ZDBF2: variants seen among roughly 807,000 people sequenced by gnomAD.
ZDBF2 encodes the protein zinc finger DBF-type containing 2, also known as DBF4-type zinc finger-containing protein 2.
Under a neutral mutation model 9.4 loss-of-function variants are expected in ZDBF2, and 6 were observed. The observed-to-expected ratio is 0.64, with a 90% CI of 0.35 to 1.27. ZDBF2 has a LOEUF of 1.27. Among genes scored for constraint, ZDBF2 ranks in the 50% most tolerant of loss-of-function variants. ZDBF2 has a pLI of 0.03. For missense variants in ZDBF2, 2,697 were observed against 2,766.8 expected (o/e 0.97, Z 0.57); for synonymous variants, 905 against 946.3 (o/e 0.96, Z 0.80).
rs1359776325 is a variant in ZDBF2 at position 206,305,823 on chromosome 2, A to G, written c.1295A>G (p.Lys432Arg). The change falls in exon 5 of 5, where the codon AAG becomes AGG. Residue 432 changes from lysine (K) to arginine (R), a missense_variant. Around this residue, in one of 3 missense-constraint regions of ZDBF2, gnomAD observed 910 missense variants for 973.6 expected, o/e 0.93. Coordinates refer to ENST00000374423, the MANE Select transcript of ZDBF2 (RefSeq NM_020923.3). ...AGTGCCAAAGAAGTAAACCTTTCCA[A>G]GGAAGTACGTACTGATGTACAGTAT... Reference protein sequence around the residue: ...KVSAKEVNLSKEVRTDVQYKN... With the variant: ...KVSAKEVNLSREVRTDVQYKN... 6.2e-7 allele frequency: 1 copy of G among 1,613,556 alleles called. No individual in the cohort carries two copies. Among genetic ancestry groups the G allele is most frequent in the Non-Finnish European group, 8.5e-7 (1 of 1,179,740 alleles).
Position 206,282,529 on chromosome 2 carries a change from C to T in ZDBF2, c.60+620C>T, listed in dbSNP as rs139659389. Among the ~76,000 whole-genome samples, 349 of 152,176 alleles carry T rather than the reference C, an allele frequency of 2.3e-3. 3 individuals are homozygous for T. In the South Asian group the frequency reaches 0.027, roughly 12 times the overall value. ...CTTCTAGTATACCCATTACCCAAAT[C>T]GGAGAAGTCGATTCTTTAAGACATT... On this transcript the variant is annotated intron_variant, in intron 3 of 4. Coordinates refer to ENST00000374423, the MANE Select transcript of ZDBF2 (RefSeq NM_020923.3).
At chr2:206,284,937 C>T (rs1044735160) in intron 3 of ZDBF2, among the ~76,000 whole-genome samples, 1 of 152,180 alleles carries the variant, frequency 6.6e-6, no homozygotes, top group African/African-American at 2.4e-5. Flanking sequence ...CCATGTTGGC[C>T]AGGCTGGTCT....
chr2:206,290,034 T>G (rs1433284252), intron 3 of ZDBF2, among the ~76,000 whole-genome samples: 1 of 152,248 alleles, frequency 6.6e-6, no homozygotes, highest in African/African-American at 2.4e-5. Flanking sequence ...GTTTGTTCAT[T>G]GTGCTGGCCA....
Position 206,310,368 on chromosome 2 carries a change from A to C in ZDBF2, c.5840A>C (p.Gln1947Pro). 1 of 1,613,990 alleles carries C rather than the reference A, an allele frequency of 6.2e-7. No individual in the cohort carries two copies. The highest frequency in any genetic ancestry group is 8.5e-7 in the Non-Finnish European group (1 of 1,179,886). ...CQTAKISHST[Q>P]TSCKNYPVMK... ...ACAGCGAAAATCAGCCATAGTACTC[A>C]GACCAGTTGTAAGAATTACCCAGTG... The change falls in exon 5 of 5, where the codon CAG becomes CCG. Residue 1947 changes from glutamine to proline, a missense_variant. By Grantham distance (76) the Gln-to-Pro change is moderately conservative. This residue lies in a region of ZDBF2 where 1,783 missense variants were observed against 1,776.5 expected (regional missense o/e 1.00). Transcript: ENST00000374423.
At chr2:206,304,464 T>C (rs1484858883) in intron 4 of ZDBF2, among the ~76,000 whole-genome samples, 1 of 152,126 alleles carries the variant, frequency 6.6e-6, no homozygotes, top group Non-Finnish European at 1.5e-5. Context: ...AAATAATATA[T>C]GATTTTATTT....
At chr2:206,289,570 G>C (rs1691781008) in intron 3 of ZDBF2, among the ~76,000 whole-genome samples, 1 of 152,194 alleles carries the variant, frequency 6.6e-6, no homozygotes, top group African/African-American at 2.4e-5. Context: ...TTCAGCAGTG[G>C]CTTAGCCTCA....
At chr2:206,286,044 T>C (rs1229812494) in intron 3 of ZDBF2, among the ~76,000 whole-genome samples, 1 of 152,250 alleles carries the variant, frequency 6.6e-6, no homozygotes, top group Non-Finnish European at 1.5e-5. Flanking sequence ...ATTTCTAGTT[T>C]ATGCTATTGT....
chr2:206,306,054 C>T lies in ZDBF2; in HGVS notation c.1526C>T (p.Pro509Leu), dbSNP rs1295903862. The T allele has an allele frequency of 2.5e-6, 4 of 1,613,702 alleles. No homozygotes were observed. Among genetic ancestry groups the T allele is most frequent in the South Asian group, 1.1e-5 (1 of 91,050 alleles). ...DASPQSTSDY[P>L]QQSVTEVNLP... is the part of the protein sequence containing the mutation. ...TCACCTCAGTCCACTAGTGACTACC[C>T]CCAACAATCTGTAACAGAAGTAAAC... Residue 509 changes from proline to leucine, a missense_variant, in exon 5 of 5, where the codon CCC becomes CTC. This residue lies in a region of ZDBF2 where 910 missense variants were observed against 973.6 expected (regional missense o/e 0.93). Coordinates refer to ENST00000374423, the MANE Select transcript of ZDBF2 (RefSeq NM_020923.3).
At chr2:206,285,826 A>G (rs543947497) in intron 3 of ZDBF2, among the ~76,000 whole-genome samples, 22 of 152,268 alleles carry the variant, frequency 1.4e-4, no homozygotes, top group African/African-American at 4.1e-4. Context: ...ATTTTTGTGT[A>G]TGGTGAGAGA....
intron 3 of ZDBF2, among the ~76,000 whole-genome samples, chr2:206,290,889 G>A (rs1286222217): frequency 6.6e-6 from 1 of 152,084 alleles, no homozygotes; most frequent in Admixed American, 6.5e-5. Flanking sequence ...GAGTGTTAAA[G>A]TAGTGAGAAT....
rs79793398 is a variant in ZDBF2 at position 206,287,520 on chromosome 2, G to C, written c.60+5611G>C. On this transcript the variant is annotated intron_variant, in intron 3 of 4. Coordinates refer to ENST00000374423, the MANE Select transcript of ZDBF2 (RefSeq NM_020923.3). ...ATTCCATCTTTGGTCTTTGACCTTT[G>C]ACAGTTTATAATGTGCCTCAAGGAG... Among the ~76,000 whole-genome samples the C allele has an allele frequency of 2.0e-3, 300 of 152,262 alleles. 7 individuals carry two copies. In the East Asian group the frequency reaches 0.056, roughly 28 times the overall value.
chr2:206,309,163 C>T lies in ZDBF2; in HGVS notation c.4635C>T (p.Pro1545=). The T allele has an allele frequency of 6.2e-7, 1 of 1,611,334 alleles. No homozygotes were observed. Among genetic ancestry groups the T allele is most frequent in the African/African-American group, 1.3e-5 (1 of 75,008 alleles). ...ATGAAGTAATTTCAGATGATATTCC[C>T]CTTCAGTTAGTGACTGACCCACCTC... is the stretch of plus-strand genomic sequence containing the variant. ...SDYEVISDDI[P]LQLVTDPPQL... Residue 1545 remains proline (P), a synonymous_variant, in exon 5 of 5, where the codon CCC becomes CCT. Transcript: ENST00000374423.
chr2:206,299,197 A>G (rs142613309), intron 4 of ZDBF2, among the ~76,000 whole-genome samples: 262 of 152,108 alleles, frequency 1.7e-3, no homozygotes, highest in Middle Eastern at 0.01. Context: ...AACTATTTCT[A>G]TGGTATAGCT....
rs747914912 is a variant in ZDBF2 at position 206,308,048 on chromosome 2, C to A, written c.3520C>A (p.Arg1174=). ...TTTCTTGGGTCAGTCAATAGTCAAT[C>A]GACCTCAAATAACTATTTTGGAGCA... ...SGFLGQSIVN[R]PQITILEQEH... Residue 1174 remains arginine (R), a synonymous_variant, in exon 5 of 5, where the codon CGA becomes AGA. Transcript: ENST00000374423. 2.0e-5 allele frequency: 33 copies of A among 1,613,752 alleles called. No individual in the cohort carries two copies. In the African/African-American group the frequency reaches 4.1e-4, roughly 20 times the overall value.
Position 206,306,543 on chromosome 2 carries a change from C to CTGA in ZDBF2, c.2018_2020dup (p.Asp673dup). On this transcript the variant is annotated inframe_insertion, in exon 5 of 5. Coordinates refer to ENST00000374423, the MANE Select transcript of ZDBF2 (RefSeq NM_020923.3). ...CATGGTCCTGAAATGGGTTTTCAGG[C>CTGA]TGATGCTCAATTAGCTGACCAGTCT... is the stretch of plus-strand genomic sequence containing the variant. 2 of 1,613,664 alleles carry CTGA rather than the reference C, an allele frequency of 1.2e-6. No homozygotes were observed. The highest frequency in any genetic ancestry group is 4.5e-5 in the East Asian group (2 of 44,870).
rs372426207 is a variant in ZDBF2, at chr2:206,304,925, G to A, written c.397G>A (p.Val133Ile). The change falls in exon 5 of 5, where the codon GTT becomes ATT. Residue 133 changes from valine to isoleucine, a missense_variant. Physicochemically the swap from Val to Ile is conservative, Grantham distance 29 (BLOSUM62 3). Coordinates refer to ENST00000374423, the MANE Select transcript of ZDBF2 (RefSeq NM_020923.3). Reference sequence around the variant, plus strand: ...TCAGGAAGGCACGCAGGAGGTTTCAGTTCGACCATCAGTTATTCAAAAACT... The same window carrying A: ...TCAGGAAGGCACGCAGGAGGTTTCAATTCGACCATCAGTTATTCAAAAACT... ...KSQEGTQEVSVRPSVIQKLEK... is the reference protein window; with the variant it reads ...KSQEGTQEVSIRPSVIQKLEK... The A allele has an allele frequency of 3.3e-5, 53 of 1,613,590 alleles. No homozygotes were observed. The highest frequency in any genetic ancestry group is 4.5e-5 in the Non-Finnish European group (53 of 1,179,782).
At position 206,307,214 on chromosome 2, in the gene ZDBF2, C is replaced by T; in HGVS notation, c.2686C>T (p.Pro896Ser). 1 of 1,611,510 alleles carries T rather than the reference C, an allele frequency of 6.2e-7. No homozygotes were observed. Among genetic ancestry groups the T allele is most frequent in the Non-Finnish European group, 8.5e-7 (1 of 1,179,310 alleles). Residue 896 changes from proline to serine, a missense_variant, in exon 5 of 5, where the codon CCT (proline) becomes TCT (serine). Physicochemically the swap from Pro to Ser is moderately conservative, Grantham distance 74 (BLOSUM62 -1). Around this residue, in one of 3 missense-constraint regions of ZDBF2, gnomAD observed 1,783 missense variants for 1,776.5 expected, o/e 1.00. Transcript: ENST00000374423. ...SPEVAVKKLNPQKEEQVHLEN... is the reference protein window; with the variant it reads ...SPEVAVKKLNSQKEEQVHLEN... ...CGAAGTAGCTGTTAAAAAGCTAAAT[C>T]CTCAAAAAGAAGAGCAGGTACACTT...
Position 206,306,152 on chromosome 2 carries a change from T to C in ZDBF2, c.1624T>C (p.Ser542Pro). Residue 542 changes from serine (S) to proline (P), a missense_variant, in exon 5 of 5, where the codon TCT becomes CCT. Physicochemically the swap from Ser to Pro is moderately conservative, Grantham distance 74 (BLOSUM62 -1). This residue lies in a region of ZDBF2 where 910 missense variants were observed against 973.6 expected (regional missense o/e 0.93). Coordinates refer to ENST00000374423, the MANE Select transcript of ZDBF2 (RefSeq NM_020923.3). ...CAGTAGCTCTGAAGTAAGTGCTGAT[T>C]CTGTTTTCCCACTGCAGTCAGTGGT... Reference protein sequence around the residue: ...GSSSSEVSADSVFPLQSVVDR... With the variant: ...GSSSSEVSADPVFPLQSVVDR... 1.2e-6 allele frequency: 2 copies of C among 1,613,810 alleles called. No homozygotes were observed. Among genetic ancestry groups the C allele is most frequent in the Non-Finnish European group, 1.7e-6 (2 of 1,179,810 alleles).
intron 3 of ZDBF2, among the ~76,000 whole-genome samples, chr2:206,287,984 C>G (rs559401870): frequency 5.6e-4 from 85 of 151,870 alleles, no homozygotes; most frequent in Middle Eastern, 6.8e-3. Context: ...GTTGAATTGT[C>G]TATATATATT....
Sources: gnomAD v4.1 joint callset for allele counts (sites outside exome capture counted in the v4.1 genomes callset) on GRCh38, gnomAD v4.1.1 for gene constraint, gnomAD v4.1.1 regional missense constraint, MANE v1.5 for transcripts, NCBI Gene and HGNC (gene_info 2026-07-23, HGNC 2026-07-21) for gene names.